CFAP65: variants seen among roughly 807,000 people sequenced by gnomAD.
CFAP65 encodes the protein cilia- and flagella-associated protein 65.
CFAP65 carries 155 observed loss-of-function variants against 208.0 expected under a neutral mutation model. The observed-to-expected ratio is 0.75, with a 90% CI of 0.65 to 0.85. CFAP65 has a LOEUF of 0.85. Among genes scored for constraint, CFAP65 ranks in the 40% least tolerant of loss-of-function variants. The pLI is 0.00. For missense variants in CFAP65, 2,294 were observed against 2,451.3 expected (o/e 0.94, Z 1.36); for synonymous variants, 970 against 986.3 (o/e 0.98, Z 0.31).
rs1482924344 is a variant in CFAP65 at position 219,010,698 on chromosome 2, C to T, written c.4156G>A (p.Val1386Met). 28 of 1,606,334 alleles carry T rather than the reference C, an allele frequency of 1.7e-5. No individual in the cohort carries two copies. The highest frequency in any genetic ancestry group is 2.0e-5 in the Non-Finnish European group (24 of 1,176,690). ...PIEAKTYTVD[V>M]PIHILGWNSA... ...TTCCATCCCAGGATGTGTATGGGCA[C>T]GTCCACCTGGGGAGTTAGGAGGGTG... The change falls in exon 26 of 35, where the codon GTG becomes ATG. Residue 1386 changes from valine to methionine, a missense_variant. By Grantham distance (21) the Val-to-Met change is conservative (BLOSUM62 1). This residue lies in a region of CFAP65 where 1,427 missense variants were observed against 1,438.7 expected (regional missense o/e 0.99). Transcript: ENST00000341552.
In CFAP65 at chr2:219,009,942, C is replaced by T. The variant is rs1946354499; in HGVS notation, c.4452G>A (p.Glu1484=). 6.2e-7 allele frequency: 1 copy of T among 1,606,926 alleles called. No homozygotes were observed. The highest frequency in any genetic ancestry group is 8.5e-7 in the Non-Finnish European group (1 of 1,177,250). The change falls in exon 27 of 35, where the codon GAG becomes GAA. Residue 1484 remains glutamate, a splice_region_variant and synonymous_variant. Coordinates refer to ENST00000341552, the MANE Select transcript of CFAP65 (RefSeq NM_194302.4). The stretch of plus-strand genomic sequence containing the variant: ...GTTCCAGGGCTCAGGGGACTCTCAC[C>T]TCCCCAAAATCTAGAGGACTTGGCT... ...SWQPSPLDFG[E]VSVSPMIGVV...
intron 22 of CFAP65, 137 bp downstream of exon 22, chr2:219,013,731 T>A: frequency 1.7e-6 from 2 of 1,151,208 alleles, no homozygotes; most frequent in South Asian, 2.7e-5. Context: ...AAGAAGGAAA[T>A]TAGACCTCCT....
Position 219,024,142 on chromosome 2 carries a change from C to T in CFAP65, c.2468G>A (p.Arg823Gln), listed in dbSNP as rs374958187. Residue 823 changes from arginine to glutamine, a missense_variant, in exon 15 of 35, where the codon CGG (arginine) becomes CAG (glutamine). Physicochemically the swap from Arg to Gln is conservative, Grantham distance 43. Around this residue, in one of 2 missense-constraint regions of CFAP65, gnomAD observed 1,427 missense variants for 1,438.7 expected, o/e 0.99. Coordinates refer to ENST00000341552, the MANE Select transcript of CFAP65 (RefSeq NM_194302.4). ...APQRGSDVIL[R>Q]PTSGLVAPGA... The stretch of plus-strand genomic sequence containing the variant: ...GGGTGCCACAAGGCCCGAAGTGGGC[C>T]GAAGGATGACGTCTGAGCCTCTCTG... 20 of 1,613,984 alleles carry T rather than the reference C, an allele frequency of 1.2e-5. No individual in the cohort carries two copies. In the South Asian group the frequency reaches 1.4e-4, roughly 12 times the overall value.
Position 219,013,932 on chromosome 2 carries a change from A to C in CFAP65, c.3715T>G (p.Ser1239Ala). 2 of 1,613,880 alleles carry C rather than the reference A, an allele frequency of 1.2e-6. No homozygotes were observed. Among genetic ancestry groups the C allele is most frequent in the African/African-American group, 2.7e-5 (2 of 74,986 alleles). Residue 1239 changes from serine to alanine, a missense_variant, in exon 22 of 35, where the codon TCC becomes GCC. This residue lies in a region of CFAP65 where 1,427 missense variants were observed against 1,438.7 expected (regional missense o/e 0.99). Transcript: ENST00000341552. ...AGGCTCCCAGCCTTGGGGCTGATGGAGAAGAGGCAATTGTCCTGCACGCGC... is the reference window on the plus strand; with the variant it reads ...AGGCTCCCAGCCTTGGGGCTGATGGCGAAGAGGCAATTGTCCTGCACGCGC... ...QMRVQDNCLFSISPKAGSLSP... is the reference protein window; with the variant it reads ...QMRVQDNCLFAISPKAGSLSP...
In CFAP65 at chr2:219,030,118, GA is replaced by G. The variant is rs1381199656; in HGVS notation, c.1251del (p.Pro418ArgfsTer108). On this transcript the variant is annotated frameshift_variant, in exon 10 of 35. Coordinates refer to ENST00000341552, the MANE Select transcript of CFAP65 (RefSeq NM_194302.4). LOFTEE classifies it high-confidence loss of function. ...ACCGACACACATTTCTTCTCTCCCG[GA>G]AGCACGATGCCATGGGCCGTGGGGC... ...FSCPTAHGIV[L>X]PGEKKCVSVF... The G allele has an allele frequency of 6.2e-7, 1 of 1,614,140 alleles. No individual in the cohort carries two copies. The highest frequency in any genetic ancestry group is 8.5e-7 in the Non-Finnish European group (1 of 1,180,004).
intron 4 of CFAP65, among the ~76,000 whole-genome samples, chr2:219,037,630 T>C (rs1948444601): frequency 6.6e-6 from 1 of 152,144 alleles, no homozygotes; most frequent in Admixed American, 6.5e-5. Context: ...ATGCCCTGGC[T>C]TCTCCCTTCA....
chr2:219,016,059 G>A (rs141918771), intron 21 of CFAP65, among the ~76,000 whole-genome samples: 49 of 152,260 alleles, frequency 3.2e-4, no homozygotes, highest in Admixed American at 3.1e-3. Flanking sequence ...GGCACATTCC[G>A]AATCCTCATC....
At position 219,031,397 on chromosome 2, in the gene CFAP65, C is replaced by T. The variant is rs1289955923; in HGVS notation, c.815+92G>A. The T allele has an allele frequency of 6.2e-7, 1 of 1,607,722 alleles. No individual in the cohort carries two copies. The highest frequency in any genetic ancestry group is 1.7e-5 in the Admixed American group (1 of 59,778). ...ATGCTGGGCAGAACCTCAGACTACC[C>T]TACCCCGACAAGGGTATGCCTGTCT... On this transcript the variant is annotated intron_variant, in intron 7 of 34. Transcript: ENST00000341552. This position sits in a 1 kb window ranked among gnomAD's most constrained non-coding sequence, Gnocchi z 5.2.
At chr2:219,005,906 G>T in intron 31 of CFAP65, 115 bp downstream of exon 31, 3 of 1,077,290 alleles carry the variant, frequency 2.8e-6, no homozygotes, top group Non-Finnish European at 4.1e-6. Context: ...GAGCCCCACT[G>T]CTGCTGCCCA....
In CFAP65 at chr2:219,003,950, A is replaced by T; in HGVS notation, c.5555+2T>A. ...CGTCCTCACTGGGGCCTGGCTGCTC[A>T]CCTTCTGATGGCCTCCTTCTCGTCC... On this transcript the variant is annotated splice_donor_variant, in intron 33 of 34. Coordinates refer to ENST00000341552, the MANE Select transcript of CFAP65 (RefSeq NM_194302.4). LOFTEE classifies it high-confidence loss of function. The surrounding 1 kb of genome is among the most constrained non-coding windows in gnomAD (Gnocchi z 4.4). 1 of 1,607,786 alleles carries T rather than the reference A, an allele frequency of 6.2e-7. No homozygotes were observed. Among genetic ancestry groups the T allele is most frequent in the Non-Finnish European group, 8.5e-7 (1 of 1,175,874 alleles).
At position 219,010,996 on chromosome 2, in the gene CFAP65, T is replaced by A. The variant is rs139440719; in HGVS notation, c.3958A>T (p.Ile1320Phe). 365 of 1,596,598 alleles carry A rather than the reference T, an allele frequency of 2.3e-4. No homozygotes were observed. Among genetic ancestry groups the A allele is most frequent in the Non-Finnish European group, 3.0e-4 (350 of 1,166,558 alleles). ...GAGCCACCATTATACAGCTCATAAA[T>A]CTGCAGGGGGCAGGAATAGGAAAAT... ...PIGDTLPPRQIYELYNGGSVP... is the reference protein window; with the variant it reads ...PIGDTLPPRQFYELYNGGSVP... Residue 1320 changes from isoleucine to phenylalanine, a missense_variant and splice_region_variant, in exon 25 of 35, where the codon ATT becomes TTT. Physicochemically the swap from Ile to Phe is conservative, Grantham distance 21 (BLOSUM62 0). This residue lies in a region of CFAP65 where 1,427 missense variants were observed against 1,438.7 expected (regional missense o/e 0.99). Transcript: ENST00000341552.
Position 219,016,913 on chromosome 2 carries a change from G to A in CFAP65, c.3602+2138C>T, listed in dbSNP as rs188457573. On this transcript the variant is annotated intron_variant, in intron 21 of 34. Coordinates refer to ENST00000341552, the MANE Select transcript of CFAP65 (RefSeq NM_194302.4). ...CAGCCTCTTCTGAGACTCTCCACCC[G>A]CTGCTCCAGCCACGCGGTGTACACA... 4.6e-5 allele frequency among the ~76,000 whole-genome samples: 7 copies of A among 152,342 alleles called. No homozygotes were observed. The East Asian group carries it at 5.8e-4, about 13-fold the overall frequency.
At chr2:219,011,213 G>T (rs562052971) in intron 24 of CFAP65, among the ~76,000 whole-genome samples, 22 of 149,624 alleles carry the variant, frequency 1.5e-4, no homozygotes, top group Non-Finnish European at 3.1e-4. Flanking sequence ...TTGTAAAGGA[G>T]TAGCTTATTT....
rs1945796731 is a variant in CFAP65, at chr2:219,004,490, AG to A, written c.5052-36del. On this transcript the variant is annotated intron_variant, in intron 32 of 34. Coordinates refer to ENST00000341552, the MANE Select transcript of CFAP65 (RefSeq NM_194302.4). This position sits in a 1 kb window ranked among gnomAD's most constrained non-coding sequence, Gnocchi z 4.7. Reference sequence around the variant, plus strand: ...AGGGAGAAGGAGAAGGCCCTTGCTGAGGGGCCCTGAAGCCCCTGGGGAGCCC... The same window carrying A: ...AGGGAGAAGGAGAAGGCCCTTGCTGAGGGCCCTGAAGCCCCTGGGGAGCCC... 3.8e-6 allele frequency: 6 copies of A among 1,567,856 alleles called. No homozygotes were observed. Among genetic ancestry groups the A allele is most frequent in the Non-Finnish European group, 5.2e-6 (6 of 1,159,394 alleles).
In CFAP65 at chr2:219,013,952, A is replaced by G. The variant is rs755709052; in HGVS notation, c.3695T>C (p.Val1232Ala). 2 of 1,613,622 alleles carry G rather than the reference A, an allele frequency of 1.2e-6. No individual in the cohort carries two copies. The highest frequency in any genetic ancestry group is 1.7e-5 in the Admixed American group (1 of 59,936). Residue 1232 changes from valine to alanine, a missense_variant, in exon 22 of 35, where the codon GTG becomes GCG. Val to Ala is a moderately conservative substitution (Grantham distance 64, BLOSUM62 0). Around this residue, in one of 2 missense-constraint regions of CFAP65, gnomAD observed 1,427 missense variants for 1,438.7 expected, o/e 0.99. Transcript: ENST00000341552. ...LNSTELHQMR[V>A]QDNCLFSISP... ...GATGGAGAAGAGGCAATTGTCCTGC[A>G]CGCGCATCTGGTGGAGCTCAGTGGA...
chr2:219,024,477 G>GC (rs931303848), intron 14 of CFAP65, among the ~76,000 whole-genome samples: 1 of 125,976 alleles, frequency 7.9e-6, no homozygotes, highest in African/African-American at 3.5e-5. Flanking sequence ...GAAAGGGGCG[G>GC]GGGGGGGGCA....
chr2:219,022,120 C>G, intron 17 of CFAP65, 51 bp downstream of exon 17: 2 of 1,518,486 alleles, frequency 1.3e-6, no homozygotes, highest in South Asian at 1.3e-5. Context: ...TTCCCTCCCA[C>G]CTGTCCGGGC....
At chr2:219,006,444 G>A (rs1945988926) in intron 30 of CFAP65, 21 bp downstream of exon 30, 1 of 1,613,512 alleles carries the variant, frequency 6.2e-7, no homozygotes. Flanking sequence ...AAGAAGATGG[G>A]CCTGGGGCTC....
chr2:219,029,828 G>C, intron 10 of CFAP65, 158 bp downstream of exon 10: 5 of 1,139,356 alleles, frequency 4.4e-6, no homozygotes, highest in Non-Finnish European at 6.2e-6. Context: ...GGGATCTCCA[G>C]GTAGTCACGG....
Sources: gnomAD v4.1 joint callset for allele counts (sites outside exome capture counted in the v4.1 genomes callset) on GRCh38, gnomAD v4.1.1 for gene constraint, gnomAD v4.1.1 regional missense constraint, Gnocchi (gnomAD v3.1) non-coding constraint, MANE v1.5 for transcripts, NCBI Gene and HGNC (gene_info 2026-07-23, HGNC 2026-07-21) for gene names.